The following NECTIN1 variants were observed in gnomAD, a reference collection of about 807,000 sequenced individuals.
NECTIN1 encodes the protein nectin cell adhesion molecule 1.
Under a neutral mutation model 48.0 loss-of-function variants are expected in NECTIN1, and 23 were observed. The ratio of observed to expected loss-of-function variants is 0.48; its 90% CI spans 0.34 to 0.68. The LOEUF (loss-of-function observed/expected upper bound fraction) is 0.68. NECTIN1 is among the 30% of genes least tolerant of loss of function. NECTIN1 has a pLI of 0.01. For synonymous variants in NECTIN1, 270 were observed against 288.9 expected, an observed-to-expected ratio of 0.93 and a Z score of 0.66; for missense variants, 591 against 709.9, an observed-to-expected ratio of 0.83 and a Z score of 1.90.
chr11:119,728,016 G>A (rs546974700), intron 1 of NECTIN1, among the ~76,000 whole-genome samples: 1 of 152,040 alleles, frequency 6.6e-6, no homozygotes, highest in African/African-American at 2.4e-5. Context: ...CAAAGGGGCC[G>A]CCGAAAGAGA....
In NECTIN1 at chr11:119,677,274, C is replaced by T; in HGVS notation, c.734-55G>A. 2 of 1,472,924 alleles carry T rather than the reference C, an allele frequency of 1.4e-6. No homozygotes were observed. Among genetic ancestry groups the T allele is most frequent in the Non-Finnish European group, 9.5e-7 (1 of 1,052,604 alleles). The allele number at this position is 1,472,924 out of a possible 1,614,324, so 91.2% of individuals were successfully genotyped here. On this transcript the variant is annotated intron_variant, in intron 3 of 5. Coordinates refer to ENST00000264025, the MANE Select transcript of NECTIN1 (RefSeq NM_002855.5). This position sits in a 1 kb window ranked among gnomAD's most constrained non-coding sequence, Gnocchi z 5.4. ...GAGGTCAGGAGAGCGGGACTTAGAA[C>T]AAGGGAACTTCAGCCAGGAAGGGAT...
In NECTIN1 at chr11:119,678,365, C is replaced by T. The variant is rs369417347; in HGVS notation, c.430+50G>A. The T allele has an allele frequency of 1.2e-4, 186 of 1,541,372 alleles. 1 individual carries two copies. Among genetic ancestry groups the T allele is most frequent in the South Asian group, 3.9e-4 (35 of 89,582 alleles). On this transcript the variant is annotated intron_variant, in intron 2 of 5. Coordinates refer to ENST00000264025, the MANE Select transcript of NECTIN1 (RefSeq NM_002855.5). The surrounding 1 kb of genome is among the most constrained non-coding windows in gnomAD (Gnocchi z 4.4). ...AGGCATCCTGAGGATGGCCACGCCC[C>T]GAGGTCACAGGCCTCTGGATGAACA...
intron 1 of NECTIN1, among the ~76,000 whole-genome samples, chr11:119,696,979 C>T (rs1865350258): frequency 6.6e-6 from 1 of 152,174 alleles, no homozygotes; most frequent in South Asian, 2.1e-4. Flanking sequence ...GGCATCCTGT[C>T]TCTCCAGCCC....
At chr11:119,649,114 C>T (rs1229487584) in intron 5 of NECTIN1, among the ~76,000 whole-genome samples, 1 of 152,232 alleles carries the variant, frequency 6.6e-6, no homozygotes, top group Admixed American at 6.5e-5. Context: ...GGCACGGTGG[C>T]TCATGCCTGT....
At chr11:119,706,913 G>C (rs1175867267) in intron 1 of NECTIN1, among the ~76,000 whole-genome samples, 4 of 152,206 alleles carry the variant, frequency 2.6e-5, no homozygotes, top group Non-Finnish European at 5.9e-5. Flanking sequence ...CAGAGTGTTG[G>C]TGTAGGGCAT....
At chr11:119,679,141 T>C (rs1046415168) in intron 1 of NECTIN1, among the ~76,000 whole-genome samples, 3 of 152,232 alleles carry the variant, frequency 2.0e-5, no homozygotes, top group African/African-American at 7.2e-5. Flanking sequence ...TAAACATACG[T>C]CTGCACCCTC....
chr11:119,667,422 T>TC (rs1002399035), intron 5 of NECTIN1, among the ~76,000 whole-genome samples: 1 of 152,064 alleles, frequency 6.6e-6, no homozygotes, highest in Non-Finnish European at 1.5e-5. Context: ...ACTCACAGCC[T>TC]CCCCAGGGAA....
In NECTIN1 at chr11:119,703,806, T is replaced by C. The variant is rs117211077; in HGVS notation, c.79+24669A>G. On this transcript the variant is annotated intron_variant, in intron 1 of 5. Transcript: ENST00000264025. Reference sequence around the variant, plus strand: ...CATGAGATCCCAAAAGGATTGATCATGGAAAATGCAAGGTAGCTTATTGCT... The same window carrying C: ...CATGAGATCCCAAAAGGATTGATCACGGAAAATGCAAGGTAGCTTATTGCT... Among the ~76,000 whole-genome samples the C allele has an allele frequency of 7.9e-3, 1,202 of 152,306 alleles. 8 individuals are homozygous for C. The highest frequency in any genetic ancestry group is 0.013 in the Non-Finnish European group (890 of 68,028).
intron 5 of NECTIN1, among the ~76,000 whole-genome samples, chr11:119,666,325 A>G (rs955349105): frequency 6.6e-6 from 1 of 152,244 alleles, no homozygotes; most frequent in Non-Finnish European, 1.5e-5. Context: ...CCGTGGACAC[A>G]GCCAAAATGA....
chr11:119,664,931 T>G lies in NECTIN1; in HGVS notation c.1370A>C (p.His457Pro). ...CTTGGCGTCCTCGTCATATTTGGGG[T>G]GGGGGCCGCCCACCTTGCGCTCGCC... Reference protein sequence around the residue: ...GGGERKVGGPHPKYDEDAKRP... With the variant: ...GGGERKVGGPPPKYDEDAKRP... Residue 457 changes from histidine to proline, a missense_variant, in exon 6 of 6, where the codon CAC (histidine) becomes CCC (proline). His to Pro is a moderately conservative substitution (Grantham distance 77). Transcript: ENST00000264025. 3 of 1,613,448 alleles carry G rather than the reference T, an allele frequency of 1.9e-6. No homozygotes were observed. The highest frequency in any genetic ancestry group is 2.5e-6 in the Non-Finnish European group (3 of 1,179,746).
chr11:119,720,858 G>A (rs1239511034), intron 1 of NECTIN1, among the ~76,000 whole-genome samples: 2 of 152,194 alleles, frequency 1.3e-5, no homozygotes, highest in African/African-American at 4.8e-5. Context: ...TGAGGACAAG[G>A]AACGCGAGCT....
In NECTIN1 at chr11:119,662,507, C is replaced by T. The variant is rs190528170; in HGVS notation, c.*2240G>A. On this transcript the variant is annotated 3_prime_UTR_variant, in exon 6 of 6. Coordinates refer to ENST00000264025, the MANE Select transcript of NECTIN1 (RefSeq NM_002855.5). The surrounding 1 kb of genome is among the most constrained non-coding windows in gnomAD (Gnocchi z 5.3). ...CTTAAGGGGGAACTCAGTGCTTTGGCTGGGCTTGGGGCCTTCAAAGTCCAA... is the reference window on the plus strand; with the variant it reads ...CTTAAGGGGGAACTCAGTGCTTTGGTTGGGCTTGGGGCCTTCAAAGTCCAA... 150 of 985,806 alleles carry T rather than the reference C, an allele frequency of 1.5e-4. No homozygotes were observed. The African/African-American group carries it at 2.5e-3, about 16-fold the overall frequency. The allele number at this position is 985,806 out of a possible 1,614,324, so 61.1% of individuals were successfully genotyped here.
Position 119,648,340 on chromosome 11 carries a change from GTGATGCTGGTGGTGGTGATGC to G in NECTIN1, c.1004-8349_1004-8329del, listed in dbSNP as rs1864438160. 3.3e-3 allele frequency among the ~76,000 whole-genome samples: 5 copies of G among 1,524 alleles called. 1 individual carries two copies. Among genetic ancestry groups the G allele is most frequent in the Non-Finnish European group, 4.8e-3 (3 of 626 alleles). 1.0% of individuals were successfully genotyped at this position (1,524 alleles called of 152,430 possible). Reference sequence around the variant, plus strand: ...GATGGTGATGGTGGTGATGGTGGTGGTGATGCTGGTGGTGGTGATGCTGGTGATGGTGGTGATGGTGGTGGT... The same window carrying G: ...GATGGTGATGGTGGTGATGGTGGTGGTGGTGATGGTGGTGATGGTGGTGGT... On this transcript the variant is annotated intron_variant, in intron 5 of 7. Coordinates refer to the NECTIN1 transcript ENST00000341398.
intron 1 of NECTIN1, among the ~76,000 whole-genome samples, chr11:119,682,233 C>G (rs1470389672): frequency 6.6e-6 from 1 of 152,014 alleles, no homozygotes; most frequent in African/African-American, 2.4e-5. Context: ...TTAGAGTCAA[C>G]AGAGGAGCAG....
chr11:119,695,366 T>C (rs1215745153), intron 1 of NECTIN1, among the ~76,000 whole-genome samples: 2 of 119,678 alleles, frequency 1.7e-5, no homozygotes, highest in Non-Finnish European at 3.3e-5. Context: ...CCTTCAACAC[T>C]CAGGTCCCAC....
At chr11:119,720,684 C>G (rs1333486220) in intron 1 of NECTIN1, among the ~76,000 whole-genome samples, 3 of 152,226 alleles carry the variant, frequency 2.0e-5, no homozygotes, top group African/African-American at 7.2e-5. Context: ...TTCTGATGAC[C>G]AGCAGGTATG....
At position 119,710,358 on chromosome 11, in the gene NECTIN1, C is replaced by T. The variant is rs146028646; in HGVS notation, c.79+18117G>A. 3.4e-3 allele frequency among the ~76,000 whole-genome samples: 513 copies of T among 152,298 alleles called. 6 individuals are homozygous for T. Among genetic ancestry groups the T allele is most frequent in the African/African-American group, 0.012 (489 of 41,554 alleles). ...TGGAAAACCAAGCAAGCAATTTATT[C>T]TCATTTATTTAATAAACAAGTATTA... On this transcript the variant is annotated intron_variant, in intron 1 of 5. Transcript: ENST00000264025.
At chr11:119,686,705 A>G (rs115885169) in intron 1 of NECTIN1, among the ~76,000 whole-genome samples, 1 of 152,110 alleles carries the variant, frequency 6.6e-6, no homozygotes, top group Non-Finnish European at 1.5e-5. Flanking sequence ...CTCCCCCGTT[A>G]CCTGCGCAAG....
intron 1 of NECTIN1, among the ~76,000 whole-genome samples, chr11:119,697,089 A>G (rs1015673416): frequency 6.6e-6 from 1 of 152,084 alleles, no homozygotes; most frequent in Non-Finnish European, 1.5e-5. Flanking sequence ...GCTCAGGGAA[A>G]GGCCCTCTCA....
Sources: gnomAD v4.1 joint callset for allele counts (sites outside exome capture counted in the v4.1 genomes callset) on GRCh38, gnomAD v4.1.1 for gene constraint, Gnocchi (gnomAD v3.1) non-coding constraint, MANE v1.5 for transcripts, NCBI Gene and HGNC (gene_info 2026-07-23, HGNC 2026-07-21) for gene names.